Variants in ACACA observed in about 807,000 individuals in gnomAD.
ACACA encodes acetyl-CoA carboxylase 1.
A neutral mutation model predicts 296.1 loss-of-function variants in ACACA; 103 were observed. The observed-to-expected ratio is 0.35, with a 90% CI of 0.30 to 0.41. The LOEUF (loss-of-function observed/expected upper bound fraction) is 0.41. Among genes scored for constraint, ACACA ranks in the 10% least tolerant of loss-of-function variants. The pLI is 1.00. For synonymous variants in ACACA, 953 were observed against 1,038.6 expected (o/e 0.92, Z 1.58); for missense variants, 1,554 against 2,989.7 (o/e 0.52, Z 11.20).
chr17:37,239,453 A>G (rs1417219004), intron 24 of ACACA, among the ~76,000 whole-genome samples: 2 of 152,198 alleles, frequency 1.3e-5, no homozygotes, highest in Admixed American at 6.5e-5. Context: ...TCCTAATCTT[A>G]AAGATAATGT....
rs200811773 is a variant in ACACA at position 37,401,326 on chromosome 17, G to GA, written c.38+4935_38+4936insT. Reference sequence around the variant, plus strand: ...TCCTGCCTCAGCCTCCTGAGTAGCTGGGAATACAAGCGCCCGCCACCACGC... The same window carrying GA: ...TCCTGCCTCAGCCTCCTGAGTAGCTGAGGAATACAAGCGCCCGCCACCACGC... On this transcript the variant is annotated intron_variant, in intron 1 of 55. Transcript: ENST00000616317. Among the ~76,000 whole-genome samples, 1,091 of 151,420 alleles carry GA rather than the reference G, an allele frequency of 7.2e-3. 9 individuals carry two copies. Among genetic ancestry groups the GA allele is most frequent in the African/African-American group, 0.025 (1,031 of 41,254 alleles).
intron 29 of ACACA, among the ~76,000 whole-genome samples, chr17:37,216,968 G>C (rs1241014487): frequency 6.6e-6 from 1 of 151,994 alleles, no homozygotes; most frequent in Non-Finnish European, 1.5e-5. Context: ...ATAGTAAGAG[G>C]AGTTAAAAAC....
At chr17:37,391,591 G>A in intron 1 of ACACA, 1 of 1,513,958 alleles carries the variant, frequency 6.6e-7, no homozygotes, top group Admixed American at 1.7e-5. Flanking sequence ...CTTGGTACAT[G>A]AAGAACTATA....
chr17:37,200,218 G>C (rs1188330747), intron 34 of ACACA, 35 bp from the exon 35 acceptor site: 1 of 1,553,982 alleles, frequency 6.4e-7, no homozygotes, highest in East Asian at 2.2e-5. Flanking sequence ...AGGAAAGACA[G>C]CAGAAGTTGG....
chr17:37,136,645 A>T (rs527719095), intron 45 of ACACA, among the ~76,000 whole-genome samples: 2 of 151,322 alleles, frequency 1.3e-5, no homozygotes, highest in African/African-American at 4.8e-5. Flanking sequence ...GTCAAACATT[A>T]AAAAAAAACC....
chr17:37,213,642 T>G (rs1181774611), intron 29 of ACACA, among the ~76,000 whole-genome samples: 2 of 152,198 alleles, frequency 1.3e-5, no homozygotes, highest in African/African-American at 2.4e-5. Flanking sequence ...GGCATTTTCT[T>G]ATCTCCGCTC....
At chr17:37,348,479 G>A (rs1304375985) in intron 1 of ACACA, among the ~76,000 whole-genome samples, 1 of 152,014 alleles carries the variant, frequency 6.6e-6, no homozygotes, top group African/African-American at 2.4e-5. Flanking sequence ...ATGCCTTTCA[G>A]ACTTATCAGA....
chr17:37,406,769 G>C lies in ACACA; in HGVS notation c.-470C>G, dbSNP rs893087367. On this transcript the variant is annotated 5_prime_UTR_variant, in exon 1 of 56. Coordinates refer to ENST00000616317, the MANE Select transcript of ACACA (RefSeq NM_198834.3). ...AGGCGCGCGGCGGGGACCGGGAAAA[G>C]GCCAAGAGGGCGGTGGCGGGCGCTC... The C allele has an allele frequency of 1.3e-5, 2 of 156,758 alleles. No homozygotes were observed. The highest frequency in any genetic ancestry group is 2.8e-5 in the Non-Finnish European group (2 of 71,534). The allele number at this position is 156,758 out of a possible 1,614,324, so 9.7% of individuals were successfully genotyped here.
At chr17:37,136,314 G>C (rs78040790) in intron 45 of ACACA, among the ~76,000 whole-genome samples, 3,061 of 152,146 alleles carry the variant, frequency 0.02, 100 homozygotes, top group African/African-American at 0.07. Flanking sequence ...ACAGTACATA[G>C]CCTTTTGAAT....
At chr17:37,249,394 G>A (rs762355774) in intron 16 of ACACA, among the ~76,000 whole-genome samples, 2 of 152,152 alleles carry the variant, frequency 1.3e-5, no homozygotes, top group African/African-American at 4.8e-5. Context: ...CCAGATCATA[G>A]GGTAATTCTA....
intron 10 of ACACA, among the ~76,000 whole-genome samples, chr17:37,265,783 C>A (rs1374052147): frequency 6.6e-6 from 1 of 152,124 alleles, no homozygotes; most frequent in Non-Finnish European, 1.5e-5. Context: ...TCCATGGCAT[C>A]CCCTGCTCCT....
At chr17:37,256,098 A>T (rs1001848713) in intron 14 of ACACA, among the ~76,000 whole-genome samples, 4 of 152,208 alleles carry the variant, frequency 2.6e-5, no homozygotes, top group Non-Finnish European at 5.9e-5. Flanking sequence ...TTGTCATTAT[A>T]GTCCTACTTT....
intron 1 of ACACA, among the ~76,000 whole-genome samples, chr17:37,382,621 GAAGGCC>G (rs1257256044): frequency 3.9e-5 from 6 of 152,276 alleles, no homozygotes; most frequent in African/African-American, 1.4e-4. Context: ...CAGCACTTTG[GAAGGCC>G]GAGGCAGGCG....
At chr17:37,087,799 A>AAAAG (rs1431622881) in intron 55 of ACACA, among the ~76,000 whole-genome samples, 1 of 152,222 alleles carries the variant, frequency 6.6e-6, no homozygotes, top group East Asian at 1.9e-4. Context: ...ATGTATATAT[A>AAAAG]AAAGAATCGG....
chr17:37,388,712 T>C (rs367629966), intron 1 of ACACA: 16 of 1,611,788 alleles, frequency 9.9e-6, no homozygotes, highest in African/African-American at 4.0e-5. Context: ...TGGAGTATTG[T>C]GGTCAAAATT....
intron 38 of ACACA, among the ~76,000 whole-genome samples, chr17:37,189,139 A>G (rs1360084374): frequency 6.6e-6 from 1 of 152,208 alleles, no homozygotes; most frequent in East Asian, 1.9e-4. Flanking sequence ...AGGCAGCTTA[A>G]TGCTCTTAGT....
intron 1 of ACACA, among the ~76,000 whole-genome samples, chr17:37,343,710 G>C (rs2048486689): frequency 6.7e-6 from 1 of 149,474 alleles, no homozygotes; most frequent in Non-Finnish European, 1.5e-5. Flanking sequence ...GTTGCAGTGA[G>C]CCAAGATTGT....
Position 37,113,010 on chromosome 17 carries a change from C to G in ACACA, c.6452+78G>C. 1 of 1,557,376 alleles carries G rather than the reference C, an allele frequency of 6.4e-7. No individual in the cohort carries two copies. The highest frequency in any genetic ancestry group is 1.1e-5 in the South Asian group (1 of 88,554). The stretch of plus-strand genomic sequence containing the variant: ...GGATGTGGGTGCTGTAGTGCCATGG[C>G]TGTAACATTCTCCAGGAGGAAACCA... On this transcript the variant is annotated intron_variant, in intron 51 of 55. Transcript: ENST00000616317. The surrounding 1 kb of genome is among the most constrained non-coding windows in gnomAD (Gnocchi z 4.0).
chr17:37,299,482 C>T (rs369109664), intron 3 of ACACA: 16 of 1,507,076 alleles, frequency 1.1e-5, no homozygotes, highest in Non-Finnish European at 1.4e-5. Flanking sequence ...CTAGAATACT[C>T]CTGATGGCCT....
Sources: gnomAD v4.1 joint callset for allele counts (sites outside exome capture counted in the v4.1 genomes callset) on GRCh38, gnomAD v4.1.1 for gene constraint, Gnocchi (gnomAD v3.1) non-coding constraint, MANE v1.5 for transcripts, NCBI Gene and HGNC (gene_info 2026-07-23, HGNC 2026-07-21) for gene names.